Variants in NRXN3 observed in about 807,000 individuals in gnomAD.
The protein encoded by NRXN3 is neurexin III.
NRXN3 carries 32 observed loss-of-function variants against 137.6 expected under a neutral mutation model. The observed-to-expected ratio is 0.23, with a 90% CI of 0.18 to 0.31. The LOEUF (loss-of-function observed/expected upper bound fraction) is 0.31. Among genes scored for constraint, NRXN3 ranks in the 10% least tolerant of loss-of-function variants. NRXN3 has a pLI of 1.00. For synonymous variants in NRXN3, 798 were observed against 784.5 expected (o/e 1.02, Z -0.29); for missense variants, 1,574 against 2,062.5 (o/e 0.76, Z 4.59).
intron 20 of NRXN3, among the ~76,000 whole-genome samples, chr14:79,832,558 G>T (rs55700624): frequency 6.6e-6 from 1 of 152,186 alleles, no homozygotes; most frequent in Non-Finnish European, 1.5e-5. Flanking sequence ...CAACTGGGAA[G>T]ATGCTAACGG....
chr14:79,735,969 A>G (rs1273068781), intron 19 of NRXN3, among the ~76,000 whole-genome samples: 1 of 152,174 alleles, frequency 6.6e-6, no homozygotes, highest in East Asian at 1.9e-4. Flanking sequence ...CAAAATTACC[A>G]CCCTTACTTC....
chr14:79,632,985 G>C (rs1452047017), intron 16 of NRXN3, among the ~76,000 whole-genome samples: 1 of 152,128 alleles, frequency 6.6e-6, no homozygotes, highest in Non-Finnish European at 1.5e-5. Context: ...ATATGCAGCA[G>C]ATGTTATTAC....
At chr14:78,465,039 T>A (rs2095057030) in intron 4 of NRXN3, among the ~76,000 whole-genome samples, 1 of 152,172 alleles carries the variant, frequency 6.6e-6, no homozygotes, top group Admixed American at 6.6e-5. Context: ...TTTGTTTATT[T>A]CATTCAACCC....
At chr14:79,426,962 A>G (rs1384584267) in intron 15 of NRXN3, among the ~76,000 whole-genome samples, 1 of 152,210 alleles carries the variant, frequency 6.6e-6, no homozygotes. Context: ...TCCAAAAAAT[A>G]TATATTTTAA....
chr14:78,774,626 C>T (rs982850904), intron 8 of NRXN3, among the ~76,000 whole-genome samples: 3 of 152,106 alleles, frequency 2.0e-5, no homozygotes, highest in African/African-American at 7.2e-5. Flanking sequence ...GAGTCAAAAA[C>T]AGAGGTTAAG....
At chr14:79,817,150 TCAAGCAATTCTCCTGCCTCAGCCTCCTG>T (rs1450476257) in intron 20 of NRXN3, among the ~76,000 whole-genome samples, 1 of 152,144 alleles carries the variant, frequency 6.6e-6, no homozygotes, top group African/African-American at 2.4e-5. Context: ...CCTCCCGGAT[TCAAGCAATTCTCCTGCCTCAGCCTCCTG>T]AGTATCTGGG....
rs1567205066 is a variant in NRXN3, at chr14:79,467,401, T to C, written c.3443T>C (p.Ile1148Thr). 6.2e-7 allele frequency: 1 copy of C among 1,603,134 alleles called. No homozygotes were observed. ...PGLGDFLQLH[I>T]EQGKIGVVFN... ...CTTGGTGACTTCCTCCAGCTTCACA[T>C]AGTGAGTACAGGGCCTTGGCCTGGA... The change falls in exon 16 of 21, where the codon ATA (isoleucine) becomes ACA (threonine). Residue 1148 changes from isoleucine (I) to threonine (T), a missense_variant and splice_region_variant. By Grantham distance (89) the Ile-to-Thr change is moderately conservative. Transcript: ENST00000335750.
At chr14:79,611,142 T>G (rs1196972537) in intron 16 of NRXN3, among the ~76,000 whole-genome samples, 3 of 152,074 alleles carry the variant, frequency 2.0e-5, no homozygotes, top group Admixed American at 6.5e-5. Flanking sequence ...TTTTAAAAAG[T>G]GAAGGAGCAA....
chr14:78,916,477 A>C (rs1455012194), intron 10 of NRXN3, among the ~76,000 whole-genome samples: 1 of 152,176 alleles, frequency 6.6e-6, no homozygotes. Flanking sequence ...ACAGCCAGCT[A>C]TGGGAAGCTC....
rs201466842 is a variant in NRXN3 at position 78,803,775 on chromosome 14, C to T, written c.2200C>T (p.Leu734=). ...ATTSRDSADT[L]RLELDGGRVK... ...GACCTCCAGGGACTCTGCCGACACC[C>T]TGCGTCTGGAGCTGGATGGGGGGCG... The change falls in exon 9 of 21, where the codon CTG becomes TTG. Residue 734 remains leucine, a synonymous_variant. Transcript: ENST00000335750. 7 of 1,613,960 alleles carry T rather than the reference C, an allele frequency of 4.3e-6. No homozygotes were observed. Among genetic ancestry groups the T allele is most frequent in the Non-Finnish European group, 5.1e-6 (6 of 1,180,008 alleles).
intron 15 of NRXN3, among the ~76,000 whole-genome samples, chr14:79,133,705 C>G (rs976300749): frequency 2.8e-4 from 43 of 152,032 alleles, no homozygotes; most frequent in Middle Eastern, 3.4e-3. Flanking sequence ...GCGGGTGGAT[C>G]ACGAGGTCAG....
chr14:78,449,441 T>G (rs1030865883), intron 4 of NRXN3, among the ~76,000 whole-genome samples: 17 of 152,342 alleles, frequency 1.1e-4, no homozygotes, highest in African/African-American at 4.1e-4. Flanking sequence ...CTTGAACTCC[T>G]GGCCCCAAGT....
intron 4 of NRXN3, among the ~76,000 whole-genome samples, chr14:78,497,935 G>C (rs901091444): frequency 2.0e-5 from 3 of 152,166 alleles, no homozygotes; most frequent in African/African-American, 7.2e-5. Flanking sequence ...CGGAGGAATA[G>C]TTTTAGTAGT....
At chr14:78,585,597 C>T (rs1177919163) in intron 4 of NRXN3, among the ~76,000 whole-genome samples, 2 of 152,034 alleles carry the variant, frequency 1.3e-5, no homozygotes, top group Non-Finnish European at 2.9e-5. Flanking sequence ...GAAGAGGTCT[C>T]ATTCTGGGCA....
intron 15 of NRXN3, among the ~76,000 whole-genome samples, chr14:79,238,741 T>C (rs1175978591): frequency 1.3e-5 from 2 of 152,138 alleles, no homozygotes; most frequent in African/African-American, 4.8e-5. Flanking sequence ...AGACAAACTT[T>C]CCAAATACTG....
At chr14:79,094,979 A>AGAGAGAGAGAGTGTGTGTGT (rs553957969) in intron 15 of NRXN3, among the ~76,000 whole-genome samples, 1 of 115,880 alleles carries the variant, frequency 8.6e-6, no homozygotes, top group African/African-American at 3.2e-5. Context: ...AGAGAGAGAG[A>AGAGAGAGAGAGTGTGTGTGT]GTGTGTGTGT....
intron 16 of NRXN3, among the ~76,000 whole-genome samples, chr14:79,649,822 T>G (rs2153970130): frequency 6.6e-6 from 1 of 152,328 alleles, no homozygotes; most frequent in South Asian, 2.1e-4. Flanking sequence ...ATCTTATTGT[T>G]TCAGTCAGCC....
chr14:79,510,781 C>A (rs1024733902), intron 16 of NRXN3, among the ~76,000 whole-genome samples: 7 of 152,106 alleles, frequency 4.6e-5, no homozygotes, highest in African/African-American at 1.2e-4. Context: ...ATCACTGAAG[C>A]CTTTTGAGAA....
chr14:79,729,816 C>T (rs2098915130), intron 19 of NRXN3, among the ~76,000 whole-genome samples: 1 of 152,058 alleles, frequency 6.6e-6, no homozygotes, highest in African/African-American at 2.4e-5. Flanking sequence ...ATCCTGGATT[C>T]GAGTGAGTGC....
Sources: gnomAD v4.1 joint callset for allele counts (sites outside exome capture counted in the v4.1 genomes callset) on GRCh38, gnomAD v4.1.1 for gene constraint, MANE v1.5 for transcripts, NCBI Gene and HGNC (gene_info 2026-07-23, HGNC 2026-07-21) for gene names.